The following INPP4B variants were observed in gnomAD, a reference collection of about 807,000 sequenced individuals.
The protein encoded by INPP4B is inositol polyphosphate-4-phosphatase type II B, also known as inositol polyphosphate 4-phosphatase type II.
INPP4B carries 55 observed loss-of-function variants against 122.5 expected under a neutral mutation model. The ratio of observed to expected loss-of-function variants is 0.45; its 90% confidence interval spans 0.36 to 0.56. INPP4B has a LOEUF of 0.56. Among genes scored for constraint, INPP4B ranks in the 20% least tolerant of loss-of-function variants. The pLI is 0.00. For missense variants in INPP4B, 1,000 were observed against 1,097.7 expected (o/e 0.91, Z 1.26); for synonymous variants, 403 against 388.7 (o/e 1.04, Z -0.43).
At chr4:142,570,335 T>C (rs1285689695) in intron 2 of INPP4B, among the ~76,000 whole-genome samples, 2 of 152,074 alleles carry the variant, frequency 1.3e-5, no homozygotes, top group Non-Finnish European at 2.9e-5. Context: ...CTTGTTCCTA[T>C]AGCCACTGAA....
At chr4:142,421,694 G>A (rs536546997) in intron 5 of INPP4B, among the ~76,000 whole-genome samples, 32 of 152,110 alleles carry the variant, frequency 2.1e-4, no homozygotes, top group African/African-American at 7.7e-4. Context: ...TTTCTATTTC[G>A]TTTTTCTGAA....
At chr4:142,491,601 G>C (rs1341718748) in intron 2 of INPP4B, among the ~76,000 whole-genome samples, 6 of 152,218 alleles carry the variant, frequency 3.9e-5, no homozygotes, top group Non-Finnish European at 4.4e-5. Context: ...AGGTTGCAGT[G>C]AGCCAAGATT....
At chr4:142,579,938 T>TAA (rs1734715191) in intron 2 of INPP4B, among the ~76,000 whole-genome samples, 1 of 146,922 alleles carries the variant, frequency 6.8e-6, no homozygotes. Flanking sequence ...TAGATAGATA[T>TAA]CCTATTGCTT....
chr4:142,268,084 G>A (rs1315830966), intron 10 of INPP4B, among the ~76,000 whole-genome samples: 2 of 151,736 alleles, frequency 1.3e-5, no homozygotes, highest in African/African-American at 4.8e-5. Context: ...AGCACTTTGG[G>A]AGGCTGAGAC....
intron 2 of INPP4B, among the ~76,000 whole-genome samples, chr4:142,599,578 C>A (rs554629386): frequency 6.6e-6 from 1 of 152,168 alleles, no homozygotes; most frequent in South Asian, 2.1e-4. Flanking sequence ...GCCACTGTTA[C>A]ACCAGAAGCA....
At chr4:142,791,680 G>A (rs1409497049) in intron 1 of INPP4B, among the ~76,000 whole-genome samples, 3 of 151,706 alleles carry the variant, frequency 2.0e-5, no homozygotes, top group African/African-American at 2.4e-5. Context: ...CTAATACCTC[G>A]GCCCCCTTGG....
At chr4:142,299,297 G>A (rs1760307630) in intron 9 of INPP4B, among the ~76,000 whole-genome samples, 1 of 130,120 alleles carries the variant, frequency 7.7e-6, no homozygotes, top group Non-Finnish European at 1.5e-5. Context: ...GCATAGCTGG[G>A]ACTACAAGCA....
chr4:142,719,253 A>T (rs1764195756), intron 2 of INPP4B, among the ~76,000 whole-genome samples: 1 of 152,224 alleles, frequency 6.6e-6, no homozygotes, highest in Admixed American at 6.5e-5. Flanking sequence ...ACCTAACCTT[A>T]TAAAAAATTA....
At chr4:142,600,152 A>C (rs555277504) in intron 2 of INPP4B, among the ~76,000 whole-genome samples, 1 of 152,292 alleles carries the variant, frequency 6.6e-6, no homozygotes, top group East Asian at 1.9e-4. Context: ...AGACACCCAG[A>C]TTCAGGAGGC....
chr4:142,236,801 A>G (rs1856860118), intron 12 of INPP4B, among the ~76,000 whole-genome samples: 1 of 152,134 alleles, frequency 6.6e-6, no homozygotes, highest in South Asian at 2.1e-4. Context: ...TTCAGAGTCG[A>G]CCAAAAGAGT....
chr4:142,673,734 G>A (rs1757319092), intron 2 of INPP4B, among the ~76,000 whole-genome samples: 1 of 152,114 alleles, frequency 6.6e-6, no homozygotes, highest in South Asian at 2.1e-4. Context: ...GTCAGTTGCA[G>A]CCTCAAATTT....
chr4:142,254,947 C>T (rs1020192052), intron 11 of INPP4B, among the ~76,000 whole-genome samples: 3 of 151,950 alleles, frequency 2.0e-5, no homozygotes, highest in Admixed American at 6.6e-5. Flanking sequence ...TTAAGGGCAG[C>T]CAGAGAGAAA....
intron 2 of INPP4B, among the ~76,000 whole-genome samples, chr4:142,632,912 G>A (rs1748286772): frequency 1.6e-5 from 1 of 62,470 alleles, no homozygotes; most frequent in African/African-American, 3.9e-5. Flanking sequence ...AAGGATGGTA[G>A]ATTTGAAAAA....
intron 18 of INPP4B, among the ~76,000 whole-genome samples, chr4:142,143,812 A>G (rs965928712): frequency 3.9e-5 from 6 of 152,026 alleles, no homozygotes; most frequent in Non-Finnish European, 8.8e-5. Context: ...AATGGCTTCT[A>G]TTTTGATGAA....
chr4:142,328,153 G>A (rs537942866), intron 7 of INPP4B, among the ~76,000 whole-genome samples: 7 of 152,098 alleles, frequency 4.6e-5, no homozygotes, highest in African/African-American at 1.7e-4. Flanking sequence ...AAAGAGCAAA[G>A]GTATTAAATT....
chr4:142,831,960 C>A (rs1782195161), intron 1 of INPP4B, among the ~76,000 whole-genome samples: 1 of 152,152 alleles, frequency 6.6e-6, no homozygotes, highest in African/African-American at 2.4e-5. Flanking sequence ...GCAGCATTAG[C>A]ACCATCCAGC....
At chr4:142,298,511 C>T (rs1473162841) in intron 9 of INPP4B, among the ~76,000 whole-genome samples, 1 of 151,572 alleles carries the variant, frequency 6.6e-6, no homozygotes, top group Non-Finnish European at 1.5e-5. Flanking sequence ...ATGGTGAAAC[C>T]CTGTCTCTAC....
intron 7 of INPP4B, among the ~76,000 whole-genome samples, chr4:142,398,818 T>TA (rs1360154467): frequency 2.0e-5 from 3 of 151,954 alleles, no homozygotes; most frequent in Non-Finnish European, 4.4e-5. Context: ...TAACTGGCAG[T>TA]AAAAAAATGT....
chr4:142,056,990 T>C (rs1384821701), intron 25 of INPP4B, among the ~76,000 whole-genome samples: 2 of 152,130 alleles, frequency 1.3e-5, no homozygotes, highest in African/African-American at 4.8e-5. Context: ...TTTTCACCCT[T>C]CATCTGTGAA....
Sources: gnomAD v4.1 joint callset for allele counts (sites outside exome capture counted in the v4.1 genomes callset) on GRCh38, gnomAD v4.1.1 for gene constraint, MANE v1.5 for transcripts, NCBI Gene and HGNC (gene_info 2026-07-23, HGNC 2026-07-21) for gene names.